EP400: variants seen among roughly 807,000 people sequenced by gnomAD.
The protein encoded by EP400 is E1A binding protein p400.
Under a neutral mutation model 354.1 loss-of-function variants are expected in EP400, and 105 were observed. That is an observed-to-expected ratio of 0.30 (90% CI 0.25 to 0.35). The LOEUF is 0.35. Ranked by LOEUF, EP400 falls within the 10% of genes least tolerant of loss-of-function variation. EP400 has a pLI of 1.00. For synonymous variants in EP400, 1,646 were observed against 1,716.9 expected, an observed-to-expected ratio of 0.96 and a Z score of 1.02; for missense variants, 3,280 against 4,121.0, an observed-to-expected ratio of 0.80 and a Z score of 5.59.
intron 1 of EP400, among the ~76,000 whole-genome samples, chr12:131,955,998 C>A (rs1362272518): frequency 6.6e-6 from 1 of 152,208 alleles, no homozygotes; most frequent in East Asian, 1.9e-4. Context: ...TATCACAAAT[C>A]AAGCTGTAGC....
At chr12:131,964,468 AAAACAAAC>A (rs555708249) in intron 2 of EP400, among the ~76,000 whole-genome samples, 12 of 152,142 alleles carry the variant, frequency 7.9e-5, no homozygotes, top group Non-Finnish European at 1.6e-4. Context: ...CTCCGTCTCA[AAAACAAAC>A]AAACAAACAA....
At position 132,054,581 on chromosome 12, in the gene EP400, A is replaced by G. The variant is rs1201904348; in HGVS notation, c.7729-393A>G. Among the ~76,000 whole-genome samples, 1 of 152,216 alleles carries G rather than the reference A, an allele frequency of 6.6e-6. No individual in the cohort carries two copies. The highest frequency in any genetic ancestry group is 2.4e-5 in the African/African-American group (1 of 41,452). On this transcript the variant is annotated intron_variant, in intron 43 of 52. Coordinates refer to ENST00000389561, the MANE Select transcript of EP400 (RefSeq NM_015409.5). This position sits in a 1 kb window ranked among gnomAD's most constrained non-coding sequence, Gnocchi z 4.0. ...AGGCCTGAATGACAAGGAGTTGGTC[A>G]TAAGAAGAACAAAACAGCAAGTACA...
In EP400 at chr12:132,054,488, G is replaced by A. The variant is rs2136593394; in HGVS notation, c.7729-486G>A. 6.6e-6 allele frequency among the ~76,000 whole-genome samples: 1 copy of A among 152,348 alleles called. No homozygotes were observed. Among genetic ancestry groups the A allele is most frequent in the South Asian group, 2.1e-4 (1 of 4,832 alleles). On this transcript the variant is annotated intron_variant, in intron 43 of 52. Transcript: ENST00000389561. The surrounding 1 kb of genome is among the most constrained non-coding windows in gnomAD (Gnocchi z 4.0). ...ATCATTTTAAATGCTGGCGGGAGGAGTCAGGGTGGCACAATGCAGGACTGG... is the reference window on the plus strand; with the variant it reads ...ATCATTTTAAATGCTGGCGGGAGGAATCAGGGTGGCACAATGCAGGACTGG...
At chr12:132,058,848 A>G (rs1335832405) in intron 45 of EP400, among the ~76,000 whole-genome samples, 2 of 149,712 alleles carry the variant, frequency 1.3e-5, no homozygotes, top group South Asian at 2.1e-4. Flanking sequence ...GTGCAGGGGT[A>G]CAATCACAGC....
chr12:132,028,049 G>T lies in EP400; in HGVS notation c.5142G>T (p.Leu1714=), dbSNP rs139633499. Residue 1714 remains leucine, a synonymous_variant, in exon 27 of 53, where the codon CTG becomes CTT. Coordinates refer to ENST00000389561, the MANE Select transcript of EP400 (RefSeq NM_015409.5). The part of the protein sequence containing the change: ...EEKTRLLKER[L]DQIYLVNERR... ...AGACCAGACTCTTGAAAGAGCGCCT[G>T]GATCAGATTTATTTAGTCAACGAGC... 4 of 1,614,088 alleles carry T rather than the reference G, an allele frequency of 2.5e-6. No individual in the cohort carries two copies. Among genetic ancestry groups the T allele is most frequent in the Non-Finnish European group, 3.4e-6 (4 of 1,179,934 alleles).
rs1271937490 is a variant in EP400 at position 131,962,360 on chromosome 12, T to G, written c.1335+406T>G. 5.3e-5 allele frequency among the ~76,000 whole-genome samples: 8 copies of G among 152,194 alleles called. 1 individual carries two copies. In the East Asian group the frequency reaches 1.3e-3, roughly 26 times the overall value. On this transcript the variant is annotated intron_variant, in intron 2 of 52. Coordinates refer to ENST00000389561, the MANE Select transcript of EP400 (RefSeq NM_015409.5). ...CAAACGTGTGAAAGCCCAGCACCCT[T>G]TGTCTGGTTTTCCAAGTTTCACATT...
chr12:132,030,198 T>G (rs771128916), intron 29 of EP400, 40 bp downstream of exon 29: 1 of 1,608,562 alleles, frequency 6.2e-7, no homozygotes, highest in Non-Finnish European at 8.5e-7. Context: ...GATGGGTCAG[T>G]CACTGGTGTT....
chr12:132,020,184 C>G lies in EP400; in HGVS notation c.4413C>G (p.Pro1471=), dbSNP rs752254778. 6.2e-7 allele frequency: 1 copy of G among 1,610,114 alleles called. No individual in the cohort carries two copies. The highest frequency in any genetic ancestry group is 8.5e-7 in the Non-Finnish European group (1 of 1,178,462). The change falls in exon 22 of 53, where the codon CCC becomes CCG. Residue 1471 remains proline (P), a synonymous_variant. Transcript: ENST00000389561. The part of the protein sequence containing the change: ...APQGPLRGRP[P]IATFSANPEA... ...AGGGCCCGCTTCGAGGACGGCCGCC[C>G]ATCGCCACGTTCTCTGCCAATCCGG...
chr12:132,005,115 G>A lies in EP400; in HGVS notation c.2866G>A (p.Gly956Ser), dbSNP rs375895949. The change falls in exon 13 of 53, where the codon GGC (glycine) becomes AGC (serine). Residue 956 changes from glycine to serine, a missense_variant. Coordinates refer to ENST00000389561, the MANE Select transcript of EP400 (RefSeq NM_015409.5). Reference sequence around the variant, plus strand: ...CCTGGACCTGATGAAGCTGTACGAAGGCGCCTTCCTGCCGAGTTCTCAGTG... The same window carrying A: ...CCTGGACCTGATGAAGCTGTACGAAAGCGCCTTCCTGCCGAGTTCTCAGTG... Reference protein sequence around the residue: ...PLLDLMKLYEGAFLPSSQWPR... With the variant: ...PLLDLMKLYESAFLPSSQWPR... 5.0e-6 allele frequency: 8 copies of A among 1,590,428 alleles called. No individual in the cohort carries two copies. The African/African-American group carries it at 6.7e-5, about 13-fold the overall frequency.
At position 132,013,206 on chromosome 12, in the gene EP400, G is replaced by GT. The variant is rs1174240101; in HGVS notation, c.3611+29dup. 6.3e-7 allele frequency: 1 copy of GT among 1,586,446 alleles called. No homozygotes were observed. Among genetic ancestry groups the GT allele is most frequent in the African/African-American group, 1.3e-5 (1 of 74,300 alleles). ...CTGTGTGTTACGCGCTTGTCATTGA[G>GT]TGTTCTTTGCTGTTGATGTAGAAGA... is the stretch of plus-strand genomic sequence containing the variant. On this transcript the variant is annotated intron_variant, in intron 17 of 52. Coordinates refer to ENST00000389561, the MANE Select transcript of EP400 (RefSeq NM_015409.5). The surrounding 1 kb of genome is among the most constrained non-coding windows in gnomAD (Gnocchi z 4.5).
Position 131,982,091 on chromosome 12 carries a change from A to G in EP400, c.1544-2A>G. Reference sequence around the variant, plus strand: ...GCTTTTGGCACTTTTCTTATTTTGCAGGAGGAATGCCCCCCACGCCGCAGG... The same window carrying G: ...GCTTTTGGCACTTTTCTTATTTTGCGGGAGGAATGCCCCCCACGCCGCAGG... On this transcript the variant is annotated splice_acceptor_variant, in intron 4 of 52. Coordinates refer to ENST00000389561, the MANE Select transcript of EP400 (RefSeq NM_015409.5). LOFTEE classifies it high-confidence loss of function. 6.6e-7 allele frequency: 1 copy of G among 1,505,282 alleles called. No individual in the cohort carries two copies. Among genetic ancestry groups the G allele is most frequent in the Non-Finnish European group, 8.8e-7 (1 of 1,132,060 alleles). The allele number at this position is 1,505,282 out of a possible 1,614,324, so 93.2% of individuals were successfully genotyped here.
rs530645771 is a variant in EP400 at position 132,080,218 on chromosome 12, G to A, written c.*2545G>A. On this transcript the variant is annotated 3_prime_UTR_variant, in exon 53 of 53. Transcript: ENST00000389561. ...AGCACCTGGCGGGAAGCAGAAGGTT[G>A]GATCCAAGCCCTTGTTCAGATTTGG... 6.5e-6 allele frequency: 1 copy of A among 152,698 alleles called. No homozygotes were observed. Among genetic ancestry groups the A allele is most frequent in the South Asian group, 2.1e-4 (1 of 4,830 alleles). The allele number at this position is 152,698 out of a possible 1,614,324, so 9.5% of individuals were successfully genotyped here.
intron 39 of EP400, among the ~76,000 whole-genome samples, chr12:132,049,184 G>C (rs1438094888): frequency 1.3e-5 from 2 of 152,218 alleles, no homozygotes; most frequent in African/African-American, 2.4e-5. Context: ...ATGCGGGGCG[G>C]GGCATTCATG....
intron 3 of EP400, among the ~76,000 whole-genome samples, chr12:131,981,171 G>A (rs773196290): frequency 3.4e-4 from 51 of 152,140 alleles, no homozygotes; most frequent in Non-Finnish European, 6.0e-4. Context: ...GCTCTCGTCC[G>A]TGTACTTGTG....
At chr12:132,071,884 C>T (rs1426330400) in intron 51 of EP400, among the ~76,000 whole-genome samples, 2 of 152,194 alleles carry the variant, frequency 1.3e-5, no homozygotes, top group East Asian at 1.9e-4. Flanking sequence ...GATTTTGTCT[C>T]CTCCAATAAA....
At chr12:131,970,813 G>A (rs567441843) in intron 2 of EP400, among the ~76,000 whole-genome samples, 4 of 152,122 alleles carry the variant, frequency 2.6e-5, no homozygotes, top group Admixed American at 6.6e-5. Context: ...GGTGATTACC[G>A]CAATCAAATT....
At chr12:132,005,306 T>A in intron 13 of EP400, 122 bp downstream of exon 13, 1 of 631,536 alleles carries the variant, frequency 1.6e-6, no homozygotes, top group Non-Finnish European at 2.6e-6. Context: ...TAGAAATATT[T>A]AATAAGTATC....
At chr12:131,962,389 C>A (rs141818207) in intron 2 of EP400, among the ~76,000 whole-genome samples, 1 of 152,168 alleles carries the variant, frequency 6.6e-6, no homozygotes, top group East Asian at 1.9e-4. Flanking sequence ...TCACATTTTA[C>A]TCGTATAGAT....
rs1460939564 is a variant in EP400, at chr12:132,028,085, T to A, written c.5178T>A (p.Ser1726=). 1 of 1,614,244 alleles carries A rather than the reference T, an allele frequency of 6.2e-7. No homozygotes were observed. The highest frequency in any genetic ancestry group is 8.5e-7 in the Non-Finnish European group (1 of 1,180,044). Residue 1726 remains serine (S), a synonymous_variant, in exon 27 of 53, where the codon TCT becomes TCA. Coordinates refer to ENST00000389561, the MANE Select transcript of EP400 (RefSeq NM_015409.5). ...ATTTAGTCAACGAGCGGCGCTGTTC[T>A]CAAGCTCCAGTCTATGGCAGAGACT... ...QIYLVNERRC[S]QAPVYGRDLL...
Sources: allele counts gnomAD v4.1 joint callset (sites outside exome capture counted in the v4.1 genomes callset), GRCh38; gene constraint gnomAD v4.1.1; non-coding constraint Gnocchi (gnomAD v3.1); transcripts MANE v1.5; gene names NCBI Gene and HGNC (gene_info 2026-07-23, HGNC 2026-07-21).